ANKRD36: variants seen among roughly 807,000 people sequenced by gnomAD.
ANKRD36 encodes the protein ankyrin repeat domain 36.
Under a neutral mutation model 278.1 loss-of-function variants are expected in ANKRD36, and 179 were observed. The ratio of observed to expected loss-of-function variants is 0.64; its 90% CI spans 0.57 to 0.73. The LOEUF (loss-of-function observed/expected upper bound fraction) is 0.73, where lower values mean the gene tolerates loss of function less well. Among genes scored for constraint, ANKRD36 ranks in the 30% least tolerant of loss-of-function variants. The pLI, the probability that ANKRD36 is intolerant of heterozygous loss-of-function variation, is 0.00. For synonymous variants in ANKRD36, 320 were observed against 641.1 expected, an observed-to-expected ratio of 0.50 and a Z score of 7.57; for missense variants, 1,159 against 1,956.7, an observed-to-expected ratio of 0.59 and a Z score of 7.69.
intron 62 of ANKRD36, 53 bp from the exon 63 acceptor site, chr2:97,217,124 A>G (rs1484161820): frequency 6.5e-7 from 1 of 1,539,210 alleles, no homozygotes; most frequent in Non-Finnish European, 8.8e-7. Context: ...GAATGTATGG[A>G]CGACTTTGTC....
In ANKRD36 at chr2:97,202,417, G is replaced by A. The variant is rs1354010878; in HGVS notation, c.2959+24G>A. The stretch of plus-strand genomic sequence containing the variant: ...AGGTAATTTTGAAAACAGATTTAAT[G>A]TCATGTTCAGTCCAGGTAGATAAGA... On this transcript the variant is annotated intron_variant, in intron 48 of 75. Coordinates refer to ENST00000420699, the MANE Select transcript of ANKRD36 (RefSeq NM_001354587.1). 17 of 1,543,874 alleles carry A rather than the reference G, an allele frequency of 1.1e-5. No homozygotes were observed. In the East Asian group the frequency reaches 2.0e-4, roughly 18 times the overall value.
chr2:97,180,143 T>A (rs1470971340), intron 24 of ANKRD36, among the ~76,000 whole-genome samples: 1 of 151,554 alleles, frequency 6.6e-6, no homozygotes, highest in Non-Finnish European at 1.5e-5. Flanking sequence ...TTCCCTACAT[T>A]GAAATTGGGA....
At chr2:97,130,365 A>G (rs866681353) in intron 6 of ANKRD36, among the ~76,000 whole-genome samples, 1 of 147,254 alleles carries the variant, frequency 6.8e-6, no homozygotes, top group African/African-American at 2.5e-5. Flanking sequence ...CAAACACTGC[A>G]TGTTCTCACT....
At chr2:97,199,223 A>T (rs1443373700) in intron 44 of ANKRD36, among the ~76,000 whole-genome samples, 4 of 151,892 alleles carry the variant, frequency 2.6e-5, no homozygotes, top group Non-Finnish European at 5.9e-5. Flanking sequence ...ATATTTCCAT[A>T]AGAAATATTT....
At chr2:97,217,054 G>C in intron 62 of ANKRD36, 123 bp from the exon 63 acceptor site, 1 of 1,520,892 alleles carries the variant, frequency 6.6e-7, no homozygotes, top group Non-Finnish European at 8.9e-7. Flanking sequence ...CACAAAGTAG[G>C]AAACATCAAA....
chr2:97,235,196 G>A (rs2073347329), intron 68 of ANKRD36, among the ~76,000 whole-genome samples: 1 of 151,610 alleles, frequency 6.6e-6, no homozygotes. Flanking sequence ...TATGGAGTGA[G>A]GTGAGGTATG....
intron 46 of ANKRD36, 70 bp from the exon 47 acceptor site, chr2:97,202,132 A>T: frequency 6.3e-7 from 1 of 1,597,694 alleles, no homozygotes; most frequent in African/African-American, 1.3e-5. Flanking sequence ...TGATTCTAAC[A>T]GTGCTCGAAT....
At chr2:97,183,379 T>G (rs1387052505) in intron 26 of ANKRD36, 80 bp from the exon 27 acceptor site, 3 of 1,446,926 alleles carry the variant, frequency 2.1e-6, no homozygotes, top group Non-Finnish European at 2.8e-6. Flanking sequence ...GGATACAGCT[T>G]GATGCTAACA....
chr2:97,149,352 G>A lies in ANKRD36; in HGVS notation c.1092G>A (p.Leu364=), dbSNP rs546396536. 1 of 1,532,698 alleles carries A rather than the reference G, an allele frequency of 6.5e-7. No homozygotes were observed. Among genetic ancestry groups the A allele is most frequent in the Admixed American group, 2.0e-5 (1 of 50,560 alleles). 94.9% of individuals were successfully genotyped at this position (1,532,698 alleles called of 1,614,324 possible). ...CTGTGACAGAGAATGAGTTTTCTTT[G>A]GAATCTGAGGTAGAGTACTCTCTTG... ...AQPVTENEFS[L]ESEIISKLYI... Residue 364 remains leucine, a synonymous_variant, in exon 12 of 76, where the codon TTG becomes TTA. Transcript: ENST00000420699.
In ANKRD36 at chr2:97,202,337, A is replaced by C. The variant is rs748358803; in HGVS notation, c.2903A>C (p.Glu968Ala). ...TCCATTCAGGGTACAAGTGACGAGG[A>C]AGATTCTGTTTTGGGTATAGCCAGA... ...PPALKGTSDEEDSVLGIAREN... is the reference protein window; with the variant it reads ...PPALKGTSDEADSVLGIAREN... Residue 968 changes from glutamate (E) to alanine (A), a missense_variant, in exon 48 of 76, where the codon GAA (glutamate) becomes GCA (alanine). By Grantham distance (107) the Glu-to-Ala change is moderately radical (BLOSUM62 -1). Coordinates refer to ENST00000420699, the MANE Select transcript of ANKRD36 (RefSeq NM_001354587.1). 3 of 1,569,120 alleles carry C rather than the reference A, an allele frequency of 1.9e-6. No homozygotes were observed. The highest frequency in any genetic ancestry group is 2.6e-6 in the Non-Finnish European group (3 of 1,161,330).
At chr2:97,205,996 A>G in intron 51 of ANKRD36, 28 bp downstream of exon 51, 2 of 1,548,796 alleles carry the variant, frequency 1.3e-6, no homozygotes, top group Non-Finnish European at 1.7e-6. Flanking sequence ...TATATTGTGA[A>G]CGAGTTAATA....
At position 97,156,100 on chromosome 2, in the gene ANKRD36, G is replaced by A. The variant is rs369202024; in HGVS notation, c.1260+1359G>A. On this transcript the variant is annotated intron_variant, in intron 15 of 75. Coordinates refer to ENST00000420699, the MANE Select transcript of ANKRD36 (RefSeq NM_001354587.1). Reference sequence around the variant, plus strand: ...AGGAAATAGGAAAGGCGGATACAGCGTGTTTTCTAATATCTTCCAACTGGA... The same window carrying A: ...AGGAAATAGGAAAGGCGGATACAGCATGTTTTCTAATATCTTCCAACTGGA... 4.8e-5 allele frequency among the ~76,000 whole-genome samples: 7 copies of A among 145,348 alleles called. 1 individual carries two copies. The highest frequency in any genetic ancestry group is 1.1e-4 in the Non-Finnish European group (7 of 64,326).
intron 30 of ANKRD36, 76 bp from the exon 31 acceptor site, chr2:97,187,122 T>C (rs1171355382): frequency 2.5e-6 from 4 of 1,592,656 alleles, no homozygotes; most frequent in Non-Finnish European, 3.4e-6. Flanking sequence ...TACAGCTTGA[T>C]GCTAACACCG....
chr2:97,199,868 G>A (rs1258469204), intron 44 of ANKRD36, among the ~76,000 whole-genome samples: 5 of 151,902 alleles, frequency 3.3e-5, no homozygotes, highest in African/African-American at 9.7e-5. Context: ...GAGTGTCATC[G>A]TAATTGTGTG....
At position 97,243,939 on chromosome 2, in the gene ANKRD36, T is replaced by C; in HGVS notation, c.4401T>C (p.Tyr1467=). 1 of 1,603,406 alleles carries C rather than the reference T, an allele frequency of 6.2e-7. No homozygotes were observed. Among genetic ancestry groups the C allele is most frequent in the East Asian group, 2.3e-5 (1 of 43,384 alleles). Residue 1467 remains tyrosine, a synonymous_variant, in exon 70 of 76, where the codon TAT becomes TAC. Coordinates refer to ENST00000420699, the MANE Select transcript of ANKRD36 (RefSeq NM_001354587.1). The stretch of plus-strand genomic sequence containing the variant: ...AGTTAAGAATAACAGAAGAGCAATA[T>C]AGGATAGAAGCTGATGTGACAAAAC... ...REKLRITEEQ[Y]RIEADVTKPI...
At chr2:97,200,618 C>T (rs372154564) in intron 46 of ANKRD36, 93 bp downstream of exon 46, 335 of 1,508,458 alleles carry the variant, frequency 2.2e-4, no homozygotes, top group Non-Finnish European at 2.6e-4. Flanking sequence ...TGAAGCTGCA[C>T]GTTCTGATTC....
rs567711376 is a variant in ANKRD36, at chr2:97,192,737, G to T, written c.2348-121G>T. 4.6e-4 allele frequency: 616 copies of T among 1,348,096 alleles called. 5 individuals carry two copies. The highest frequency in any genetic ancestry group is 2.3e-3 in the Middle Eastern group (9 of 3,918). The allele number at this position is 1,348,096 out of a possible 1,614,324, so 83.5% of individuals were successfully genotyped here. The stretch of plus-strand genomic sequence containing the variant: ...TCTAGTCCCCAGACTAAAAGTAGAA[G>T]CCATCAAAGCCTACGCTAATACAGG... On this transcript the variant is annotated intron_variant, in intron 36 of 75. Transcript: ENST00000420699.
In ANKRD36 at chr2:97,206,117, G is replaced by A. The variant is rs1400790803; in HGVS notation, c.3145G>A (p.Gly1049Arg). The A allele has an allele frequency of 1.3e-6, 2 of 1,542,928 alleles. No homozygotes were observed. The highest frequency in any genetic ancestry group is 1.4e-5 in the African/African-American group (1 of 72,900). ...GAGTATAGCCAGAGAAAACAAGGATGGAGAAAAATCTAGGACAGGTAATTC... is the reference window on the plus strand; with the variant it reads ...GAGTATAGCCAGAGAAAACAAGGATAGAGAAAAATCTAGGACAGGTAATTC... ...VLSIARENKD[G>R]EKSRTVSSEK... Residue 1049 changes from glycine to arginine, a missense_variant, in exon 52 of 76, where the codon GGA becomes AGA. Transcript: ENST00000420699.
intron 15 of ANKRD36, among the ~76,000 whole-genome samples, chr2:97,156,349 T>C (rs2047431348): frequency 6.9e-6 from 1 of 145,120 alleles, no homozygotes; most frequent in Non-Finnish European, 1.6e-5. Flanking sequence ...CAGGTATATC[T>C]CCCAATGCTC....
Sources: allele counts gnomAD v4.1 joint callset (sites outside exome capture counted in the v4.1 genomes callset), GRCh38; gene constraint gnomAD v4.1.1; transcripts MANE v1.5; gene names NCBI Gene and HGNC (gene_info 2026-07-23, HGNC 2026-07-21).